The following L3MBTL4 variants were observed in gnomAD, a reference collection of about 807,000 sequenced individuals.
L3MBTL4 encodes the protein lethal(3)malignant brain tumor-like protein 4.
In L3MBTL4, 70 loss-of-function variants were observed where a neutral mutation model predicts 84.5. That is an observed-to-expected ratio of 0.83 (90% CI 0.68 to 1.01). L3MBTL4 has a LOEUF of 1.01. Among genes scored for constraint, L3MBTL4 ranks in the 50% least tolerant of loss-of-function variants. The pLI, the probability that L3MBTL4 is intolerant of heterozygous loss-of-function variation, is 0.00. For synonymous variants in L3MBTL4, 274 were observed against 259.8 expected (o/e 1.05, Z -0.52); for missense variants, 715 against 754.8 (o/e 0.95, Z 0.62).
chr18:6,052,177 G>A (rs1447324754), intron 16 of L3MBTL4, among the ~76,000 whole-genome samples: 1 of 152,080 alleles, frequency 6.6e-6, no homozygotes, highest in Non-Finnish European at 1.5e-5. Context: ...CCTTTAAGTC[G>A]ACTTCATAAG....
intron 4 of L3MBTL4, among the ~76,000 whole-genome samples, chr18:6,296,869 G>A (rs1178370764): frequency 6.6e-6 from 1 of 152,190 alleles, no homozygotes; most frequent in African/African-American, 2.4e-5. Flanking sequence ...CTGGGTTGGA[G>A]TCACAGGTAA....
At chr18:6,319,465 T>C (rs1313807942) in intron 1 of L3MBTL4, among the ~76,000 whole-genome samples, 1 of 151,888 alleles carries the variant, frequency 6.6e-6, no homozygotes, top group Non-Finnish European at 1.5e-5. Context: ...ACCAAAACCA[T>C]AGAAATATAT....
chr18:6,298,367 C>G (rs1297252091), intron 4 of L3MBTL4, among the ~76,000 whole-genome samples: 1 of 152,126 alleles, frequency 6.6e-6, no homozygotes, highest in African/African-American at 2.4e-5. Context: ...TGTTTTTGGA[C>G]TGAGATCTTG....
intron 1 of L3MBTL4, among the ~76,000 whole-genome samples, chr18:6,323,645 G>A (rs548514129): frequency 4.4e-4 from 67 of 152,266 alleles, no homozygotes; most frequent in African/African-American, 1.5e-3. Flanking sequence ...AGGTGGCCTG[G>A]CTGCTTCTAA....
chr18:6,249,695 T>A (rs2047839987), intron 5 of L3MBTL4, among the ~76,000 whole-genome samples: 1 of 152,226 alleles, frequency 6.6e-6, no homozygotes, highest in Non-Finnish European at 1.5e-5. Context: ...GTTTTAAAAA[T>A]TTTTTCCTTT....
intron 18 of L3MBTL4, 81 bp downstream of exon 18, chr18:5,960,011 CAT>C (rs142973265): frequency 0.067 from 11,449 of 170,006 alleles, 1,251 homozygotes; most frequent in African/African-American, 0.36. Context: ...GAAATACATA[CAT>C]ATATATATAT....
At chr18:5,992,286 T>C (rs952993275) in intron 16 of L3MBTL4, among the ~76,000 whole-genome samples, 6 of 152,104 alleles carry the variant, frequency 3.9e-5, no homozygotes, top group Non-Finnish European at 5.9e-5. Flanking sequence ...TTGAGGTCTT[T>C]CAGGCAGAGG....
chr18:6,375,671 A>G (rs1243853386), intron 1 of L3MBTL4, among the ~76,000 whole-genome samples: 1 of 152,150 alleles, frequency 6.6e-6, no homozygotes, highest in African/African-American at 2.4e-5. Context: ...GAGGTCGTCA[A>G]TACCAATTTA....
chr18:6,378,536 T>C (rs1486873446), intron 1 of L3MBTL4, among the ~76,000 whole-genome samples: 1 of 152,252 alleles, frequency 6.6e-6, no homozygotes, highest in African/African-American at 2.4e-5. Flanking sequence ...TTTCTGCATA[T>C]GGCTAGCCAG....
chr18:6,284,311 A>G (rs1353929306), intron 4 of L3MBTL4, among the ~76,000 whole-genome samples: 2 of 152,202 alleles, frequency 1.3e-5, no homozygotes, highest in Non-Finnish European at 2.9e-5. Flanking sequence ...ACCAATTCCT[A>G]TCTCCTTCCT....
At chr18:6,009,516 G>A (rs974265334) in intron 16 of L3MBTL4, among the ~76,000 whole-genome samples, 1 of 152,108 alleles carries the variant, frequency 6.6e-6, no homozygotes, top group African/African-American at 2.4e-5. Context: ...CTGCCCCTTG[G>A]TATTCATGGG....
At chr18:6,172,762 T>C (rs1357002969) in intron 12 of L3MBTL4, among the ~76,000 whole-genome samples, 1 of 152,168 alleles carries the variant, frequency 6.6e-6, no homozygotes, top group Non-Finnish European at 1.5e-5. Flanking sequence ...AAAAAATCTA[T>C]ATCCTTTCTA....
chr18:6,020,700 G>A (rs1413594414), intron 16 of L3MBTL4, among the ~76,000 whole-genome samples: 1 of 152,170 alleles, frequency 6.6e-6, no homozygotes, highest in Non-Finnish European at 1.5e-5. Context: ...ATTGGTTATA[G>A]GTGATTTGTG....
Position 5,984,573 on chromosome 18 carries a change from T to TG in L3MBTL4, c.1445-15012dup, listed in dbSNP as rs964549206. On this transcript the variant is annotated intron_variant, in intron 16 of 18. Transcript: ENST00000317931. ...TTCTTCAGATAACTGAATATTTTTT[T>TG]GGGGGGGAAGCTTTTTAAAATATTC... Among the ~76,000 whole-genome samples the TG allele has an allele frequency of 2.4e-4, 36 of 152,322 alleles. 2 individuals carry two copies. The highest frequency in any genetic ancestry group is 7.7e-4 in the African/African-American group (32 of 41,586).
chr18:6,110,381 T>G (rs1015863141), intron 14 of L3MBTL4, among the ~76,000 whole-genome samples: 1 of 151,942 alleles, frequency 6.6e-6, no homozygotes, highest in African/African-American at 2.4e-5. Context: ...AGTGGACACA[T>G]GTATGTGTGG....
chr18:6,323,523 C>T (rs139852857), intron 1 of L3MBTL4, among the ~76,000 whole-genome samples: 13 of 152,296 alleles, frequency 8.5e-5, no homozygotes, highest in East Asian at 7.7e-4. Flanking sequence ...TAAGCACTAG[C>T]GAAGAGCTTT....
At chr18:6,093,578 CA>C (rs749089431) in intron 14 of L3MBTL4, 50 bp from the exon 15 acceptor site, 1 of 1,480,418 alleles carries the variant, frequency 6.8e-7, no homozygotes, top group Non-Finnish European at 9.1e-7. Flanking sequence ...AGTGATAAAT[CA>C]GGGATCCATT....
intron 13 of L3MBTL4, among the ~76,000 whole-genome samples, chr18:6,150,343 C>T (rs556085201): frequency 1.3e-5 from 2 of 152,062 alleles, no homozygotes; most frequent in South Asian, 4.2e-4. Flanking sequence ...ACTAGCCTAA[C>T]AGGGCCACAT....
intron 5 of L3MBTL4, among the ~76,000 whole-genome samples, chr18:6,249,443 A>G (rs142022133): frequency 6.6e-6 from 1 of 152,360 alleles, no homozygotes; most frequent in Admixed American, 6.5e-5. Flanking sequence ...CCAGAAGTTA[A>G]GATGATCAAT....
Sources: gnomAD v4.1 joint callset for allele counts (sites outside exome capture counted in the v4.1 genomes callset) on GRCh38, gnomAD v4.1.1 for gene constraint, MANE v1.5 for transcripts, NCBI Gene and HGNC (gene_info 2026-07-23, HGNC 2026-07-21) for gene names.